Variants in LHFPL6 observed in about 807,000 individuals in gnomAD.
LHFPL6 encodes the protein LHFPL tetraspan subfamily member 6 protein.
In LHFPL6, 9 loss-of-function variants were observed where a neutral mutation model predicts 20.6. The ratio of observed to expected loss-of-function variants is 0.44; its 90% CI spans 0.26 to 0.76. The LOEUF (loss-of-function observed/expected upper bound fraction) is 0.76. Among genes scored for constraint, LHFPL6 ranks in the 30% least tolerant of loss-of-function variants. The probability of loss-of-function intolerance (pLI) is 0.20; values close to 1 mark genes in which losing one functional copy is unlikely to be tolerated. For synonymous variants in LHFPL6, 105 were observed against 98.7 expected, an observed-to-expected ratio of 1.06 and a Z score of -0.38; for missense variants, 218 against 253.5, an observed-to-expected ratio of 0.86 and a Z score of 0.95.
At chr13:39,479,968 G>A (rs184900871) in intron 2 of LHFPL6, among the ~76,000 whole-genome samples, 5 of 152,216 alleles carry the variant, frequency 3.3e-5, no homozygotes, top group East Asian at 1.9e-4. Flanking sequence ...ATTTCATAGC[G>A]CGACTTCTTT....
At chr13:39,531,953 T>A (rs1406718170) in intron 2 of LHFPL6, among the ~76,000 whole-genome samples, 2 of 152,124 alleles carry the variant, frequency 1.3e-5, no homozygotes, top group African/African-American at 4.8e-5. Context: ...TCAAGTATAG[T>A]TCATGTGCTT....
chr13:39,451,746 T>C (rs1488855303), intron 2 of LHFPL6, among the ~76,000 whole-genome samples: 4 of 152,252 alleles, frequency 2.6e-5, no homozygotes, highest in African/African-American at 4.8e-5. Flanking sequence ...TTGAGCCAAA[T>C]AGATTCTCCT....
intron 2 of LHFPL6, among the ~76,000 whole-genome samples, chr13:39,593,813 A>G (rs1200300251): frequency 2.0e-5 from 3 of 152,130 alleles, no homozygotes; most frequent in East Asian, 1.9e-4. Context: ...ATAACGCCGC[A>G]TATCTACAAC....
chr13:39,579,858 G>T (rs1872226882), intron 2 of LHFPL6, among the ~76,000 whole-genome samples: 1 of 152,124 alleles, frequency 6.6e-6, no homozygotes. Context: ...TCTTTCTGAG[G>T]AAAAGAGTCT....
intron 2 of LHFPL6, among the ~76,000 whole-genome samples, chr13:39,495,393 T>G (rs1869064350): frequency 6.6e-6 from 1 of 152,232 alleles, no homozygotes; most frequent in South Asian, 2.1e-4. Context: ...GGAATTTCTC[T>G]TATAATTCAT....
chr13:39,372,440 AC>A (rs1243193106), intron 3 of LHFPL6, among the ~76,000 whole-genome samples: 11 of 152,158 alleles, frequency 7.2e-5, no homozygotes, highest in African/African-American at 2.7e-4. Context: ...ACTTGTTTAA[AC>A]CGCAAAAGAA....
At chr13:39,537,999 T>C (rs2138501118) in intron 2 of LHFPL6, among the ~76,000 whole-genome samples, 1 of 148,410 alleles carries the variant, frequency 6.7e-6, no homozygotes, top group South Asian at 2.1e-4. Context: ...TTTCTTTTTT[T>C]TTTTTTTTTG....
At chr13:39,572,331 A>G (rs1323368778) in intron 2 of LHFPL6, among the ~76,000 whole-genome samples, 1 of 121,618 alleles carries the variant, frequency 8.2e-6, no homozygotes, top group Non-Finnish European at 1.8e-5. Context: ...TGTGTGTGTG[A>G]CAGTCCCCAG....
chr13:39,594,897 C>T lies in LHFPL6; in HGVS notation c.385+5935G>A, dbSNP rs374478732. 1.6e-4 allele frequency among the ~76,000 whole-genome samples: 25 copies of T among 152,202 alleles called. No homozygotes were observed. In the East Asian group the frequency reaches 4.1e-3, roughly 25 times the overall value. On this transcript the variant is annotated intron_variant, in intron 2 of 3. Transcript: ENST00000379589. ...AAACCAAACACCGCATGTTCTCACT[C>T]ATAGGTGGGAATTGAACAATGAGAA...
chr13:39,370,632 C>A (rs913417669), intron 3 of LHFPL6, among the ~76,000 whole-genome samples: 4 of 152,208 alleles, frequency 2.6e-5, no homozygotes, highest in Non-Finnish European at 5.9e-5. Context: ...ACTTTAACTG[C>A]CGCTCTCTGC....
At chr13:39,479,985 T>A (rs1361287881) in intron 2 of LHFPL6, among the ~76,000 whole-genome samples, 2 of 152,156 alleles carry the variant, frequency 1.3e-5, no homozygotes, top group Non-Finnish European at 2.9e-5. Flanking sequence ...CTTTTTTCGA[T>A]CCACATTATA....
intron 2 of LHFPL6, among the ~76,000 whole-genome samples, chr13:39,543,560 CT>C (rs1870877535): frequency 6.6e-6 from 1 of 152,146 alleles, no homozygotes; most frequent in African/African-American, 2.4e-5. Context: ...ATAGTCCTTA[CT>C]TTTGACCTGC....
At chr13:39,513,089 T>C (rs1869781695) in intron 2 of LHFPL6, among the ~76,000 whole-genome samples, 1 of 152,246 alleles carries the variant, frequency 6.6e-6, no homozygotes, top group Admixed American at 6.5e-5. Flanking sequence ...AAATGGGCAT[T>C]TTCTGAATAA....
intron 2 of LHFPL6, among the ~76,000 whole-genome samples, chr13:39,597,682 A>C (rs1252776421): frequency 6.6e-6 from 1 of 152,194 alleles, no homozygotes; most frequent in Non-Finnish European, 1.5e-5. Flanking sequence ...GGTGGCAATT[A>C]AAGTTTCTGT....
intron 2 of LHFPL6, among the ~76,000 whole-genome samples, chr13:39,562,507 T>TATACAC (rs1871545145): frequency 7.1e-6 from 1 of 140,342 alleles, no homozygotes; most frequent in African/African-American, 2.6e-5. Context: ...CATATATACA[T>TATACAC]ATATACATAT....
chr13:39,352,867 A>G lies in LHFPL6; in HGVS notation c.485-8813T>C, dbSNP rs1315293478. 2.2e-3 allele frequency among the ~76,000 whole-genome samples: 164 copies of G among 75,394 alleles called. 13 individuals carry two copies. Among genetic ancestry groups the G allele is most frequent in the African/African-American group, 8.0e-3 (135 of 16,964 alleles). 49.5% of individuals were successfully genotyped at this position (75,394 alleles called of 152,430 possible). On this transcript the variant is annotated intron_variant, in intron 3 of 3. Coordinates refer to ENST00000379589, the MANE Select transcript of LHFPL6 (RefSeq NM_005780.3). The stretch of plus-strand genomic sequence containing the variant: ...TATATATAAATGTATATATATGTGT[A>G]TATATATATATAAATGTATATATAT...
chr13:39,487,902 G>T (rs145521381), intron 2 of LHFPL6, among the ~76,000 whole-genome samples: 30 of 152,244 alleles, frequency 2.0e-4, no homozygotes, highest in South Asian at 1.2e-3. Context: ...AAAATTAGCC[G>T]GGCATGGTGG....
At chr13:39,367,615 T>C (rs976333527) in intron 3 of LHFPL6, among the ~76,000 whole-genome samples, 1 of 152,242 alleles carries the variant, frequency 6.6e-6, no homozygotes, top group Non-Finnish European at 1.5e-5. Context: ...AGCTTTCCCA[T>C]GTAAGACTTC....
intron 2 of LHFPL6, among the ~76,000 whole-genome samples, chr13:39,382,386 G>A (rs1702752805): frequency 6.6e-6 from 1 of 152,008 alleles, no homozygotes; most frequent in African/African-American, 2.4e-5. Context: ...ACATTACTTT[G>A]TTTTTTGTTT....
Sources: allele counts gnomAD v4.1 joint callset (sites outside exome capture counted in the v4.1 genomes callset), GRCh38; gene constraint gnomAD v4.1.1; transcripts MANE v1.5; gene names NCBI Gene and HGNC (gene_info 2026-07-23, HGNC 2026-07-21).